Variants in SYT1 observed in about 807,000 individuals in gnomAD.
SYT1 encodes the protein synaptotagmin 1.
In SYT1, 8 loss-of-function variants were observed where a neutral mutation model predicts 44.8. That is an observed-to-expected ratio of 0.18 (90% CI 0.10 to 0.32). SYT1 has a LOEUF of 0.32. Ranked by LOEUF, SYT1 falls within the 10% of genes least tolerant of loss-of-function variation. The pLI is 1.00. For missense variants in SYT1, 286 were observed against 509.3 expected, an observed-to-expected ratio of 0.56 and a Z score of 4.22; for synonymous variants, 154 against 188.8, an observed-to-expected ratio of 0.82 and a Z score of 1.51.
Position 79,449,191 on chromosome 12 carries a change from A to G in SYT1, c.*67A>G, listed in dbSNP as rs1870904354. ...TTTAGCCAGTATCTGTAAATACCTC[A>G]GTAATATGGGTCCTTTCATTTTTCC... On this transcript the variant is annotated 3_prime_UTR_variant, in exon 11 of 11. Coordinates refer to ENST00000261205, the MANE Select transcript of SYT1 (RefSeq NM_005639.3). 1 of 1,459,414 alleles carries G rather than the reference A, an allele frequency of 6.9e-7. No individual in the cohort carries two copies. The highest frequency in any genetic ancestry group is 2.0e-5 in the Admixed American group (1 of 48,934). The allele number at this position is 1,459,414 out of a possible 1,614,324, so 90.4% of individuals were successfully genotyped here.
intron 1 of SYT1, chr12:78,960,459 A>G (rs1879441845): frequency 6.6e-6 from 1 of 152,194 alleles, no homozygotes. Context: ...AAGAAATGCC[A>G]AACAACAACA....
intron 3 of SYT1, among the ~76,000 whole-genome samples, chr12:79,164,795 A>C (rs1334034767): frequency 6.6e-6 from 1 of 152,086 alleles, no homozygotes; most frequent in Non-Finnish European, 1.5e-5. Flanking sequence ...TTTACATTTA[A>C]TAAATAAGAA....
chr12:79,005,451 T>A (rs1330627661), intron 2 of SYT1, among the ~76,000 whole-genome samples: 1 of 152,052 alleles, frequency 6.6e-6, no homozygotes, highest in East Asian at 1.9e-4. Flanking sequence ...ATCTACAGTT[T>A]CCTTATAGGA....
At chr12:79,336,718 C>T (rs1882106075) in intron 8 of SYT1, among the ~76,000 whole-genome samples, 1 of 152,192 alleles carries the variant, frequency 6.6e-6, no homozygotes, top group Non-Finnish European at 1.5e-5. Context: ...CTCCTTATAA[C>T]TTCTGGGCTC....
At chr12:79,436,321 G>C (rs755090334) in intron 9 of SYT1, among the ~76,000 whole-genome samples, 1 of 152,090 alleles carries the variant, frequency 6.6e-6, no homozygotes, top group Non-Finnish European at 1.5e-5. Flanking sequence ...AAGGATAAAA[G>C]GAATAATACC....
At chr12:79,187,990 G>A (rs1872898918) in intron 3 of SYT1, among the ~76,000 whole-genome samples, 2 of 152,062 alleles carry the variant, frequency 1.3e-5, no homozygotes, top group African/African-American at 4.8e-5. Context: ...GAACTATCAA[G>A]ACTTGGGAAA....
chr12:79,235,504 G>A (rs1408009103), intron 4 of SYT1, among the ~76,000 whole-genome samples: 7 of 151,490 alleles, frequency 4.6e-5, no homozygotes, highest in African/African-American at 1.5e-4. Context: ...GATAAGTTAG[G>A]ATTTTTCAAG....
chr12:79,042,187 T>A (rs1873635855), intron 2 of SYT1, among the ~76,000 whole-genome samples: 1 of 151,872 alleles, frequency 6.6e-6, no homozygotes, highest in Non-Finnish European at 1.5e-5. Context: ...TTGGAATAGT[T>A]TCAGAAGGAA....
chr12:78,995,319 AT>A (rs1171275517), intron 2 of SYT1, among the ~76,000 whole-genome samples: 3 of 152,186 alleles, frequency 2.0e-5, no homozygotes, highest in Non-Finnish European at 4.4e-5. Context: ...GTGGTGATTC[AT>A]TGGCTACCAT....
At chr12:79,015,844 T>A (rs997553336) in intron 2 of SYT1, among the ~76,000 whole-genome samples, 1 of 152,084 alleles carries the variant, frequency 6.6e-6, no homozygotes, top group Non-Finnish European at 1.5e-5. Flanking sequence ...CCAAGCTAGG[T>A]AGGCCAGGAT....
intron 9 of SYT1, among the ~76,000 whole-genome samples, chr12:79,443,388 C>G (rs1323811806): frequency 6.6e-6 from 1 of 152,164 alleles, no homozygotes; most frequent in East Asian, 1.9e-4. Flanking sequence ...TATATTATCT[C>G]TATTCTGCTT....
At chr12:79,226,948 A>G (rs1473333384) in intron 4 of SYT1, among the ~76,000 whole-genome samples, 1 of 152,204 alleles carries the variant, frequency 6.6e-6, no homozygotes, top group African/African-American at 2.4e-5. Context: ...ACTTGGCATA[A>G]CATACTGTGA....
intron 1 of SYT1, among the ~76,000 whole-genome samples, chr12:78,957,744 A>G (rs1879285855): frequency 6.6e-6 from 1 of 152,008 alleles, no homozygotes; most frequent in Non-Finnish European, 1.5e-5. Flanking sequence ...GGTCCTGTGC[A>G]CATTTTTTTT....
chr12:79,026,668 TATATATATATA>T (rs984623121), intron 2 of SYT1, among the ~76,000 whole-genome samples: 2 of 6,510 alleles, frequency 3.1e-4, no homozygotes, highest in Non-Finnish European at 6.9e-4. Flanking sequence ...ATATATATTT[TATATATATATA>T]TATATATATA....
chr12:79,153,689 C>A (rs1239374617), intron 3 of SYT1, among the ~76,000 whole-genome samples: 1 of 152,108 alleles, frequency 6.6e-6, no homozygotes, highest in African/African-American at 2.4e-5. Context: ...AGATGATAAT[C>A]TCTGACATAA....
At chr12:79,314,584 G>A (rs1011737051) in intron 8 of SYT1, among the ~76,000 whole-genome samples, 4 of 152,196 alleles carry the variant, frequency 2.6e-5, no homozygotes, top group Non-Finnish European at 5.9e-5. Context: ...TGTTGGCAAA[G>A]ATGTGAAAAA....
chr12:79,292,466 C>A (rs1200511872), intron 6 of SYT1, among the ~76,000 whole-genome samples: 3 of 152,212 alleles, frequency 2.0e-5, no homozygotes, highest in Non-Finnish European at 2.9e-5. Flanking sequence ...GCTGCAGCAA[C>A]CTTCCTTGGA....
intron 9 of SYT1, among the ~76,000 whole-genome samples, chr12:79,418,015 A>T (rs1868863117): frequency 6.6e-6 from 1 of 150,596 alleles, no homozygotes; most frequent in Non-Finnish European, 1.5e-5. Context: ...TCTGTGAAAA[A>T]CTCTCCTGCA....
At chr12:79,035,284 T>A (rs1873057573) in intron 2 of SYT1, among the ~76,000 whole-genome samples, 1 of 151,712 alleles carries the variant, frequency 6.6e-6, no homozygotes, top group Non-Finnish European at 1.5e-5. Flanking sequence ...TGCTACCCCA[T>A]TCTCTCTACC....
Sources: allele counts gnomAD v4.1 joint callset (sites outside exome capture counted in the v4.1 genomes callset), GRCh38; gene constraint gnomAD v4.1.1; transcripts MANE v1.5; gene names NCBI Gene and HGNC (gene_info 2026-07-23, HGNC 2026-07-21).